The following CFAP300 variants were observed in gnomAD, a reference collection of about 807,000 sequenced individuals.
CFAP300 encodes the protein cilia and flagella associated protein 300.
A neutral mutation model predicts 33.0 loss-of-function variants in CFAP300; 32 were observed. The ratio of observed to expected loss-of-function variants is 0.97; its 90% confidence interval spans 0.73 to 1.30. The LOEUF (loss-of-function observed/expected upper bound fraction) is 1.30. Among genes scored for constraint, CFAP300 ranks in the 50% most tolerant of loss-of-function variants. The probability of loss-of-function intolerance (pLI) is 0.00; values close to 1 mark genes in which losing one functional copy is unlikely to be tolerated. For missense variants in CFAP300, 356 were observed against 318.1 expected (o/e 1.12, Z -0.90); for synonymous variants, 102 against 106.8 (o/e 0.95, Z 0.28).
chr11:102,083,060 G>C lies in CFAP300; in HGVS notation c.676-11G>C. 1 of 1,372,038 alleles carries C rather than the reference G, an allele frequency of 7.3e-7. No homozygotes were observed. Among genetic ancestry groups the C allele is most frequent in the Non-Finnish European group, 9.5e-7 (1 of 1,050,448 alleles). The allele number at this position is 1,372,038 out of a possible 1,614,324, so 85.0% of individuals were successfully genotyped here. ...AATAAAATAATAATAATTTAGGTTTGTCTTTTTCAGGATTCTGCTGGTATG... is the reference window on the plus strand; with the variant it reads ...AATAAAATAATAATAATTTAGGTTTCTCTTTTTCAGGATTCTGCTGGTATG... On this transcript the variant is annotated splice_polypyrimidine_tract_variant and intron_variant, in intron 6 of 6. Coordinates refer to ENST00000434758, the MANE Select transcript of CFAP300 (RefSeq NM_032930.3).
intron 6 of CFAP300, 95 bp downstream of exon 6, chr11:102,081,376 C>G: frequency 2.1e-6 from 2 of 957,410 alleles, no homozygotes; most frequent in Non-Finnish European, 3.2e-6. Flanking sequence ...CAATGTTATG[C>G]CTAGGAGAAA....
intron 3 of CFAP300, among the ~76,000 whole-genome samples, chr11:102,060,376 C>T (rs1464783615): frequency 1.3e-5 from 2 of 151,856 alleles, no homozygotes; most frequent in Non-Finnish European, 2.9e-5. Context: ...CTTGGCCTCC[C>T]AAAGTGCTGG....
At chr11:102,078,674 G>T (rs1361865859) in intron 5 of CFAP300, among the ~76,000 whole-genome samples, 6 of 151,914 alleles carry the variant, frequency 3.9e-5, no homozygotes, top group Non-Finnish European at 5.9e-5. Context: ...TACAAATGGT[G>T]GTTTCTTTCT....
chr11:102,082,255 A>G (rs1417373407), intron 6 of CFAP300, among the ~76,000 whole-genome samples: 1 of 152,002 alleles, frequency 6.6e-6, no homozygotes, highest in Non-Finnish European at 1.5e-5. Context: ...AGACGCCTGT[A>G]ATCCCAGCTA....
At chr11:102,047,664 C>T in intron 1 of CFAP300, 84 bp downstream of exon 1, 1 of 1,463,742 alleles carries the variant, frequency 6.8e-7, no homozygotes, top group Non-Finnish European at 9.2e-7. Flanking sequence ...GGGGCCCGCG[C>T]GGGTCGGCGC....
intron 2 of CFAP300, among the ~76,000 whole-genome samples, chr11:102,058,543 T>A (rs1254598937): frequency 6.7e-6 from 1 of 148,732 alleles, no homozygotes; most frequent in Admixed American, 6.9e-5. Context: ...TGGATTTAGA[T>A]CTAGTATGTC....
At chr11:102,053,583 CAAA>C (rs568610003) in intron 2 of CFAP300, among the ~76,000 whole-genome samples, 21 of 136,552 alleles carry the variant, frequency 1.5e-4, no homozygotes, top group African/African-American at 5.6e-4. Context: ...AACAAACAAA[CAAA>C]AACCTTCAGT....
intron 4 of CFAP300, among the ~76,000 whole-genome samples, chr11:102,068,421 A>G (rs1022270662): frequency 2.0e-5 from 3 of 152,234 alleles, no homozygotes; most frequent in African/African-American, 7.2e-5. Context: ...ATACCCAAAT[A>G]CACACAATTG....
intron 4 of CFAP300, among the ~76,000 whole-genome samples, chr11:102,073,263 T>C (rs1006551464): frequency 6.6e-6 from 1 of 152,126 alleles, no homozygotes; most frequent in Non-Finnish European, 1.5e-5. Context: ...ATATTAGTGG[T>C]GGCTGTGATG....
intron 2 of CFAP300, among the ~76,000 whole-genome samples, chr11:102,052,805 C>G (rs1258868829): frequency 6.6e-6 from 1 of 152,226 alleles, no homozygotes. Context: ...ATCAGCTCTT[C>G]CATGATTACA....
intron 2 of CFAP300, among the ~76,000 whole-genome samples, chr11:102,056,508 G>A (rs1367491179): frequency 6.6e-6 from 1 of 152,008 alleles, no homozygotes; most frequent in Non-Finnish European, 1.5e-5. Flanking sequence ...GGATAAAAGT[G>A]GTATCTTCTG....
At chr11:102,067,678 G>A (rs372028675) in intron 4 of CFAP300, among the ~76,000 whole-genome samples, 31 of 152,236 alleles carry the variant, frequency 2.0e-4, no homozygotes, top group African/African-American at 7.0e-4. Flanking sequence ...GTACCTTTTA[G>A]AAATATCAAA....
chr11:102,058,446 C>T (rs1942091710), intron 2 of CFAP300, among the ~76,000 whole-genome samples: 1 of 150,888 alleles, frequency 6.6e-6, no homozygotes, highest in Non-Finnish European at 1.5e-5. Flanking sequence ...TTGTCTTTTG[C>T]CATACAGAAA....
At chr11:102,064,620 A>G (rs1015835615) in intron 3 of CFAP300, among the ~76,000 whole-genome samples, 30 of 151,964 alleles carry the variant, frequency 2.0e-4, no homozygotes, top group African/African-American at 7.3e-4. Flanking sequence ...AGCATTACTT[A>G]CTCTTCTTAA....
chr11:102,082,436 A>T (rs1257746973), intron 6 of CFAP300, among the ~76,000 whole-genome samples: 1 of 152,084 alleles, frequency 6.6e-6, no homozygotes, highest in African/African-American at 2.4e-5. Flanking sequence ...TAAATATAAA[A>T]TTGTTGCAAT....
chr11:102,083,347 G>A lies in CFAP300; in HGVS notation c.*148G>A. Reference sequence around the variant, plus strand: ...AGCAGAAGAAAGCAAACACCAAGATGCCTTTTTAAAAATTTGTGTGGAATA... The same window carrying A: ...AGCAGAAGAAAGCAAACACCAAGATACCTTTTTAAAAATTTGTGTGGAATA... On this transcript the variant is annotated 3_prime_UTR_variant, in exon 7 of 7. Coordinates refer to ENST00000434758, the MANE Select transcript of CFAP300 (RefSeq NM_032930.3). 1 of 523,722 alleles carries A rather than the reference G, an allele frequency of 1.9e-6. No homozygotes were observed. Among genetic ancestry groups the A allele is most frequent in the Admixed American group, 4.5e-5 (1 of 22,242 alleles). 32.4% of individuals were successfully genotyped at this position (523,722 alleles called of 1,614,324 possible).
At chr11:102,051,467 G>T (rs568043078) in intron 2 of CFAP300, among the ~76,000 whole-genome samples, 1 of 152,236 alleles carries the variant, frequency 6.6e-6, no homozygotes, top group South Asian at 2.1e-4. Context: ...TCCCAGGGAG[G>T]CTGGAAATGC....
At position 102,047,563 on chromosome 11, in the gene CFAP300, C is replaced by T. The variant is rs1168387275; in HGVS notation, c.93C>T (p.Thr31=). 1 of 1,535,866 alleles carries T rather than the reference C, an allele frequency of 6.5e-7. No individual in the cohort carries two copies. The highest frequency in any genetic ancestry group is 8.7e-7 in the Non-Finnish European group (1 of 1,146,784). Residue 31 remains threonine, a synonymous_variant, in exon 1 of 7, where the codon ACC becomes ACT. Coordinates refer to ENST00000434758, the MANE Select transcript of CFAP300 (RefSeq NM_032930.3). The part of the protein sequence containing the change: ...TFQSLSSKEI[T]SRLRQWSMLG... The stretch of plus-strand genomic sequence containing the variant: ...AGTCTCTGAGCTCTAAGGAGATCAC[C>T]AGCCGGCTCCGCCAGTGGTGAGGAA...
intron 4 of CFAP300, among the ~76,000 whole-genome samples, chr11:102,070,228 C>G (rs1942292037): frequency 6.6e-6 from 1 of 152,122 alleles, no homozygotes. Flanking sequence ...ACTGCTTTCC[C>G]TTACCTATAT....
Sources: gnomAD v4.1 joint callset for allele counts (sites outside exome capture counted in the v4.1 genomes callset) on GRCh38, gnomAD v4.1.1 for gene constraint, MANE v1.5 for transcripts, NCBI Gene and HGNC (gene_info 2026-07-23, HGNC 2026-07-21) for gene names.